MCC: variants seen among roughly 807,000 people sequenced by gnomAD.
The protein encoded by MCC is colorectal mutant cancer protein.
Under a neutral mutation model 116.2 loss-of-function variants are expected in MCC, and 90 were observed. That is an observed-to-expected ratio of 0.77 (90% confidence interval 0.65 to 0.92). The LOEUF (loss-of-function observed/expected upper bound fraction) is 0.92, where lower values mean the gene tolerates loss of function less well. Ranked by LOEUF, MCC falls within the 40% of genes least tolerant of loss-of-function variation. MCC has a pLI of 0.00. For synonymous variants in MCC, 578 were observed against 510.5 expected (o/e 1.13, Z -1.78); for missense variants, 1,516 against 1,312.2 (o/e 1.16, Z -2.40).
At chr5:113,210,349 T>A (rs1763082441) in intron 3 of MCC, among the ~76,000 whole-genome samples, 1 of 152,216 alleles carries the variant, frequency 6.6e-6, no homozygotes. Context: ...TCTGCTGAAC[T>A]GGGTGGTGGT....
Position 113,434,206 on chromosome 5 carries a change from C to T in MCC, c.171-48994G>A, listed in dbSNP as rs770870954. 11 of 1,613,950 alleles carry T rather than the reference C, an allele frequency of 6.8e-6. No homozygotes were observed. The highest frequency in any genetic ancestry group is 9.3e-6 in the Non-Finnish European group (11 of 1,179,980). On this transcript the variant is annotated intron_variant, in intron 1 of 18. Transcript: ENST00000408903. This position sits in a 1 kb window ranked among gnomAD's most constrained non-coding sequence, Gnocchi z 4.2. ...TTGGAGTCGTCGTAGGGCATGGAGC[C>T]GCAGACCATGATGTAGAGGATCACG... is the stretch of plus-strand genomic sequence containing the variant.
Position 113,025,023 on chromosome 5 carries a change from T to TAAAGGG in MCC, c.*2278_*2279insCCCTTT, listed in dbSNP as rs142710577. 0.91 allele frequency: 138,265 copies of TAAAGGG among 152,034 alleles called. 63,045 individuals are homozygous for TAAAGGG. The highest frequency in any genetic ancestry group is 0.97 in the African/African-American group (40,158 of 41,482). The allele number at this position is 152,034 out of a possible 1,614,324, so 9.4% of individuals were successfully genotyped here. The stretch of plus-strand genomic sequence containing the variant: ...TGGAGCCGCCTCTGCCTGGGGGAAT[T>TAAAGGG]CTCAGAGAAGGGGAGGTTCTCTGAT... On this transcript the variant is annotated 3_prime_UTR_variant, in exon 19 of 19. Transcript: ENST00000408903.
At chr5:113,296,480 T>C (rs1271847157) in intron 3 of MCC, among the ~76,000 whole-genome samples, 1 of 152,036 alleles carries the variant, frequency 6.6e-6, no homozygotes, top group Non-Finnish European at 1.5e-5. Context: ...AGCATGTGAG[T>C]TGACCTGTGA....
chr5:113,304,772 A>G (rs1692449107), intron 3 of MCC, among the ~76,000 whole-genome samples: 1 of 152,242 alleles, frequency 6.6e-6, no homozygotes. Flanking sequence ...AAGTTAAAAA[A>G]AAAAGTTTTG....
chr5:113,110,408 TC>T (rs1453920909), intron 6 of MCC, among the ~76,000 whole-genome samples: 3 of 152,182 alleles, frequency 2.0e-5, no homozygotes, highest in Non-Finnish European at 4.4e-5. Flanking sequence ...GAGGAAGCAT[TC>T]CGGTTTCACA....
chr5:113,383,915 C>T (rs1769185171), intron 2 of MCC, among the ~76,000 whole-genome samples: 1 of 152,014 alleles, frequency 6.6e-6, no homozygotes, highest in Admixed American at 6.6e-5. Context: ...CAGGGACAAC[C>T]AACATGACCC....
intron 1 of MCC, among the ~76,000 whole-genome samples, chr5:113,478,295 A>G (rs1772285646): frequency 1.3e-5 from 2 of 152,202 alleles, no homozygotes; most frequent in Admixed American, 1.3e-4. Context: ...AGGCAGCAAG[A>G]GTAGAAGTAG....
At chr5:113,148,505 T>C (rs1175317566) in intron 4 of MCC, among the ~76,000 whole-genome samples, 2 of 152,196 alleles carry the variant, frequency 1.3e-5, no homozygotes, top group African/African-American at 4.8e-5. Flanking sequence ...CATTTACATT[T>C]TACATTTTAA....
At chr5:113,244,050 C>T (rs1764481887) in intron 3 of MCC, among the ~76,000 whole-genome samples, 1 of 152,170 alleles carries the variant, frequency 6.6e-6, no homozygotes, top group African/African-American at 2.4e-5. Context: ...CAGGCAAAGT[C>T]AACACACACA....
chr5:113,064,705 C>A (rs1046124041), intron 13 of MCC, among the ~76,000 whole-genome samples: 5 of 152,262 alleles, frequency 3.3e-5, no homozygotes, highest in East Asian at 1.9e-4. Flanking sequence ...CCGATGCCAC[C>A]CCTGACCCTT....
At chr5:113,211,832 G>A (rs890713685) in intron 3 of MCC, among the ~76,000 whole-genome samples, 3 of 152,134 alleles carry the variant, frequency 2.0e-5, no homozygotes, top group Non-Finnish European at 4.4e-5. Context: ...ACATTTATTA[G>A]AAACAAACAT....
At position 113,481,663 on chromosome 5, in the gene MCC, C is replaced by T. The variant is rs923110672; in HGVS notation, c.170+6582G>A. On this transcript the variant is annotated intron_variant, in intron 1 of 18. Transcript: ENST00000408903. ...CTGAGGCAGAAGAATCGCTTGAACC[C>T]GGGAGGCGGAGATTGCAGTGAGCCG... Among the ~76,000 whole-genome samples, 9 of 152,042 alleles carry T rather than the reference C, an allele frequency of 5.9e-5. No individual in the cohort carries two copies. In the East Asian group the frequency reaches 1.2e-3, roughly 20 times the overall value.
At chr5:113,106,487 T>C (rs1756740082) in intron 6 of MCC, among the ~76,000 whole-genome samples, 1 of 152,236 alleles carries the variant, frequency 6.6e-6, no homozygotes, top group Admixed American at 6.5e-5. Flanking sequence ...CACAGGTTCC[T>C]TTCCTTTGCT....
chr5:113,245,450 A>T (rs1263509642), intron 3 of MCC, among the ~76,000 whole-genome samples: 1 of 152,056 alleles, frequency 6.6e-6, no homozygotes, highest in African/African-American at 2.4e-5. Context: ...CACAAGCCAT[A>T]AACAACCTAA....
At chr5:113,269,023 T>C (rs1013244517) in intron 3 of MCC, 3 of 295,652 alleles carry the variant, frequency 1.0e-5, no homozygotes, top group African/African-American at 2.3e-5. Flanking sequence ...AAAAGAAGAA[T>C]GGCAGCAAAA....
chr5:113,085,335 T>C (rs749883037), intron 8 of MCC, 25 bp from the exon 9 acceptor site: 17 of 1,581,250 alleles, frequency 1.1e-5, no homozygotes, highest in African/African-American at 4.0e-5. Context: ...CTTTTAGACA[T>C]AGTTGGTGGT....
chr5:113,197,328 G>A (rs1762462233), intron 3 of MCC, among the ~76,000 whole-genome samples: 1 of 152,134 alleles, frequency 6.6e-6, no homozygotes, highest in Non-Finnish European at 1.5e-5. Flanking sequence ...GCTTGGGCTA[G>A]GGGAGAGGAT....
intron 3 of MCC, among the ~76,000 whole-genome samples, chr5:113,249,320 A>G (rs1403205017): frequency 6.6e-6 from 1 of 152,076 alleles, no homozygotes; most frequent in African/African-American, 2.4e-5. Flanking sequence ...ACCAAATAAA[A>G]CACAGAAAGC....
intron 6 of MCC, 105 bp downstream of exon 6, chr5:113,122,579 C>T (rs1757797160): frequency 1.1e-5 from 15 of 1,349,006 alleles, no homozygotes; most frequent in Non-Finnish European, 1.5e-5. Context: ...CTCAGCAAAC[C>T]CCTTGAAAAA....
Sources: allele counts gnomAD v4.1 joint callset (sites outside exome capture counted in the v4.1 genomes callset), GRCh38; gene constraint gnomAD v4.1.1; non-coding constraint Gnocchi (gnomAD v3.1); transcripts MANE v1.5; gene names NCBI Gene and HGNC (gene_info 2026-07-23, HGNC 2026-07-21).